ANXA13: variants seen among roughly 807,000 people sequenced by gnomAD.
The protein encoded by ANXA13 is annexin XIII.
ANXA13 carries 36 observed loss-of-function variants against 46.6 expected under a neutral mutation model. The observed-to-expected ratio is 0.77, with a 90% CI of 0.59 to 1.02. The LOEUF is 1.02. Ranked by LOEUF, ANXA13 falls within the 50% of genes least tolerant of loss-of-function variation. The pLI is 0.00. For missense variants in ANXA13, 417 were observed against 396.5 expected (o/e 1.05, Z -0.44); for synonymous variants, 163 against 152.9 (o/e 1.07, Z -0.49).
At chr8:123,737,223 G>T in intron 1 of ANXA13, 97 bp downstream of exon 1, 1 of 1,206,672 alleles carries the variant, frequency 8.3e-7, no homozygotes. Context: ...TAACCATAGT[G>T]ATAAAGTATA....
intron 10 of ANXA13, among the ~76,000 whole-genome samples, chr8:123,681,767 T>G (rs1054654750): frequency 6.6e-6 from 1 of 151,680 alleles, no homozygotes; most frequent in Non-Finnish European, 1.5e-5. Context: ...GGGATTACAG[T>G]CAACCACCAT....
intron 8 of ANXA13, among the ~76,000 whole-genome samples, chr8:123,692,350 T>C (rs936696363): frequency 6.6e-6 from 1 of 152,116 alleles, no homozygotes; most frequent in African/African-American, 2.4e-5. Flanking sequence ...GTTGTGAAAC[T>C]GAATGAGACA....
intron 1 of ANXA13, among the ~76,000 whole-genome samples, chr8:123,726,511 G>A (rs1464312590): frequency 6.6e-6 from 1 of 152,176 alleles, no homozygotes; most frequent in Admixed American, 6.5e-5. Flanking sequence ...CCTTTTGGGG[G>A]CTACACCCAA....
chr8:123,688,781 T>C (rs1263023365), intron 9 of ANXA13, 90 bp downstream of exon 9: 18 of 1,157,648 alleles, frequency 1.6e-5, no homozygotes, highest in Non-Finnish European at 2.3e-5. Flanking sequence ...CAAAAGCTAT[T>C]CCCTCAAATC....
intron 6 of ANXA13, among the ~76,000 whole-genome samples, chr8:123,694,442 C>G (rs1000768167): frequency 6.6e-6 from 1 of 152,196 alleles, no homozygotes; most frequent in African/African-American, 2.4e-5. Context: ...GAGAGATGAG[C>G]TGCTGCTGGA....
At chr8:123,722,257 G>A (rs1021153930) in intron 1 of ANXA13, among the ~76,000 whole-genome samples, 10 of 151,840 alleles carry the variant, frequency 6.6e-5, no homozygotes, top group African/African-American at 2.2e-4. Flanking sequence ...AGGTTGCAGT[G>A]AGCCGTGGTT....
At position 123,712,676 on chromosome 8, in the gene ANXA13, A is replaced by G. The variant is rs1231366304; in HGVS notation, c.91+2T>C. 6.2e-7 allele frequency: 1 copy of G among 1,613,790 alleles called. No homozygotes were observed. The highest frequency in any genetic ancestry group is 1.3e-5 in the African/African-American group (1 of 74,900). On this transcript the variant is annotated splice_donor_variant, in intron 2 of 10. Coordinates refer to ENST00000419625, the MANE Select transcript of ANXA13 (RefSeq NM_004306.4). LOFTEE classifies it high-confidence loss of function. ...AAATTAGCAACAAAATATCTCTCAT[A>G]CCCATTCCTTTGCAGGCTTTGTTCA...
chr8:123,693,155 C>G, intron 8 of ANXA13, 42 bp downstream of exon 8: 1 of 1,558,628 alleles, frequency 6.4e-7, no homozygotes, highest in Non-Finnish European at 8.8e-7. Context: ...ACTTAAGACA[C>G]TTTCAGAGTG....
At chr8:123,712,441 C>T in intron 2 of ANXA13, 1 of 552,396 alleles carries the variant, frequency 1.8e-6, no homozygotes, top group Non-Finnish European at 3.2e-6. Context: ...ACCTCAAGTT[C>T]AAATTAAACG....
intron 3 of ANXA13, among the ~76,000 whole-genome samples, chr8:123,699,695 T>A (rs1813407084): frequency 1.3e-5 from 2 of 152,366 alleles, no homozygotes; most frequent in Admixed American, 6.5e-5. Flanking sequence ...TGGCTCAGAT[T>A]GGAGGCCCAT....
At chr8:123,706,073 G>T (rs1813534263) in intron 2 of ANXA13, among the ~76,000 whole-genome samples, 1 of 152,178 alleles carries the variant, frequency 6.6e-6, no homozygotes, top group Admixed American at 6.5e-5. Context: ...TTCAATTGGA[G>T]AAACAGAATT....
At position 123,684,708 on chromosome 8, in the gene ANXA13, CCTGGGCACATCTCA is replaced by C; in HGVS notation, c.719_732del (p.Val240GlyfsTer3). 1.9e-6 allele frequency: 3 copies of C among 1,613,134 alleles called. No individual in the cohort carries two copies. Among genetic ancestry groups the C allele is most frequent in the Non-Finnish European group, 1.7e-6 (2 of 1,179,206 alleles). On this transcript the variant is annotated frameshift_variant and splice_region_variant, in exon 10 of 11. Coordinates refer to ENST00000419625, the MANE Select transcript of ANXA13 (RefSeq NM_004306.4). LOFTEE classifies it high-confidence loss of function. ...CGTTCAGCAAAATAGTCCTCACAAT[CCTGGGCACATCTCA>C]CTGGGCAGGACAAAGGAAAAGAGAA...
intron 1 of ANXA13, among the ~76,000 whole-genome samples, chr8:123,716,274 T>A (rs1484997105): frequency 6.6e-6 from 1 of 152,106 alleles, no homozygotes; most frequent in Non-Finnish European, 1.5e-5. Context: ...TTGGTAGAGA[T>A]GGGGTCTCAC....
At chr8:123,710,759 G>A (rs1813644133) in intron 2 of ANXA13, among the ~76,000 whole-genome samples, 1 of 152,172 alleles carries the variant, frequency 6.6e-6, no homozygotes, top group Non-Finnish European at 1.5e-5. Context: ...TAAAATGTCA[G>A]GTCATCAGTT....
intron 3 of ANXA13, among the ~76,000 whole-genome samples, chr8:123,699,568 C>T (rs887991673): frequency 2.0e-5 from 3 of 152,254 alleles, no homozygotes; most frequent in Non-Finnish European, 4.4e-5. Flanking sequence ...TTCTCCCTGT[C>T]TCCCTCTGAC....
In ANXA13 at chr8:123,690,885, G is replaced by A. The variant is rs1813229132; in HGVS notation, c.643-1939C>T. Among the ~76,000 whole-genome samples the A allele has an allele frequency of 6.6e-6, 1 of 152,234 alleles. No individual in the cohort carries two copies. The highest frequency in any genetic ancestry group is 1.5e-5 in the Non-Finnish European group (1 of 68,040). On this transcript the variant is annotated intron_variant, in intron 8 of 10. Coordinates refer to ENST00000419625, the MANE Select transcript of ANXA13 (RefSeq NM_004306.4). This position sits in a 1 kb window ranked among gnomAD's most constrained non-coding sequence, Gnocchi z 4.6. ...GCCTCTGGCGTGGAATAAGGAACAT[G>A]TACAGGGGAGGGGCAAAGGGTGAGG...
intron 1 of ANXA13, among the ~76,000 whole-genome samples, chr8:123,736,102 A>T (rs916584818): frequency 1.3e-5 from 2 of 152,224 alleles, no homozygotes; most frequent in Non-Finnish European, 2.9e-5. Context: ...CTGGTATGAA[A>T]ATGCTATTTG....
intron 1 of ANXA13, chr8:123,735,713 AG>A: frequency 6.3e-7 from 1 of 1,575,516 alleles, no homozygotes; most frequent in South Asian, 1.2e-5. Flanking sequence ...ATGACAGAGC[AG>A]GGGTCATACC....
chr8:123,722,010 A>G (rs1184770045), intron 1 of ANXA13, among the ~76,000 whole-genome samples: 1 of 152,134 alleles, frequency 6.6e-6, no homozygotes, highest in African/African-American at 2.4e-5. Flanking sequence ...TTAATTTAAT[A>G]ATAGAAAAGC....
Sources: allele counts gnomAD v4.1 joint callset (sites outside exome capture counted in the v4.1 genomes callset), GRCh38; gene constraint gnomAD v4.1.1; non-coding constraint Gnocchi (gnomAD v3.1); transcripts MANE v1.5; gene names NCBI Gene and HGNC (gene_info 2026-07-23, HGNC 2026-07-21).